SRPK1: variants seen among roughly 807,000 people sequenced by gnomAD.
SRPK1 encodes the protein SRSF protein kinase 1.
Under a neutral mutation model 89.5 loss-of-function variants are expected in SRPK1, and 52 were observed. The ratio of observed to expected loss-of-function variants is 0.58; its 90% confidence interval spans 0.46 to 0.73. The LOEUF (loss-of-function observed/expected upper bound fraction) is 0.73, where lower values mean the gene tolerates loss of function less well. Ranked by LOEUF, SRPK1 falls within the 30% of genes least tolerant of loss-of-function variation. The pLI is 0.00. For synonymous variants in SRPK1, 255 were observed against 270.2 expected (o/e 0.94, Z 0.55); for missense variants, 603 against 780.6 (o/e 0.77, Z 2.71).
intron 15 of SRPK1, among the ~76,000 whole-genome samples, chr6:35,835,895 C>G (rs1449790300): frequency 6.6e-6 from 1 of 151,852 alleles, no homozygotes; most frequent in East Asian, 1.9e-4. Flanking sequence ...TGTATGTGCT[C>G]AATAGTTTAG....
intron 12 of SRPK1, among the ~76,000 whole-genome samples, chr6:35,868,594 A>C (rs925746424): frequency 1.3e-5 from 2 of 152,248 alleles, no homozygotes; most frequent in Admixed American, 1.3e-4. Context: ...GACAAAGCAA[A>C]GTGTCCAAAA....
At chr6:35,890,822 T>C (rs780485317) in intron 3 of SRPK1, 73 bp downstream of exon 3, 212 of 1,351,268 alleles carry the variant, frequency 1.6e-4, no homozygotes, top group Middle Eastern at 5.2e-4. Context: ...TTTATGCTGA[T>C]AGATCAAACA....
chr6:35,899,227 A>AT (rs1293118318), intron 2 of SRPK1, among the ~76,000 whole-genome samples: 1 of 151,940 alleles, frequency 6.6e-6, no homozygotes, highest in Non-Finnish European at 1.5e-5. Context: ...CTCCAAACAG[A>AT]TTTTTTTCCA....
At chr6:35,914,523 G>T (rs1221291560) in intron 2 of SRPK1, among the ~76,000 whole-genome samples, 1 of 152,080 alleles carries the variant, frequency 6.6e-6, no homozygotes, top group Non-Finnish European at 1.5e-5. Context: ...TTTTCAGTGT[G>T]GCCTCCATCA....
At chr6:35,855,259 G>A (rs548181804) in intron 13 of SRPK1, among the ~76,000 whole-genome samples, 51 of 151,916 alleles carry the variant, frequency 3.4e-4, no homozygotes, top group Middle Eastern at 3.4e-3. Context: ...CCAAGATTGC[G>A]CCACTGTACT....
chr6:35,846,672 C>A (rs1769433393), intron 13 of SRPK1, among the ~76,000 whole-genome samples: 1 of 151,556 alleles, frequency 6.6e-6, no homozygotes, highest in Non-Finnish European at 1.5e-5. Context: ...CATATGGCAA[C>A]AGATTGGATA....
At chr6:35,884,265 C>G (rs2127255026) in intron 6 of SRPK1, among the ~76,000 whole-genome samples, 1 of 152,154 alleles carries the variant, frequency 6.6e-6, no homozygotes, top group East Asian at 1.9e-4. Flanking sequence ...TATAGAGAAA[C>G]CAACTGTCCT....
chr6:35,838,332 T>C lies in SRPK1; in HGVS notation c.1783+5A>G. 5 of 1,559,448 alleles carry C rather than the reference T, an allele frequency of 3.2e-6. No homozygotes were observed. The highest frequency in any genetic ancestry group is 4.3e-6 in the Non-Finnish European group (5 of 1,160,730). ...CCTTAATGTCTGGGAACACATTTAC[T>C]TTACCTTTTTTGGTGAAAAATTCCT... On this transcript the variant is annotated splice_donor_5th_base_variant and intron_variant, in intron 15 of 15. Coordinates refer to ENST00000373825, the MANE Select transcript of SRPK1 (RefSeq NM_003137.5).
At chr6:35,901,825 C>T (rs1770746657) in intron 2 of SRPK1, among the ~76,000 whole-genome samples, 1 of 152,162 alleles carries the variant, frequency 6.6e-6, no homozygotes, top group Admixed American at 6.6e-5. Context: ...TAATCCTTTA[C>T]ATATCTAATT....
At chr6:35,854,919 A>T (rs1769635566) in intron 13 of SRPK1, among the ~76,000 whole-genome samples, 1 of 152,200 alleles carries the variant, frequency 6.6e-6, no homozygotes, top group Non-Finnish European at 1.5e-5. Context: ...AAGTGTGGCA[A>T]GAAAGAAGCC....
intron 12 of SRPK1, among the ~76,000 whole-genome samples, chr6:35,862,051 G>A (rs1769793543): frequency 6.6e-6 from 1 of 152,014 alleles, no homozygotes; most frequent in African/African-American, 2.4e-5. Flanking sequence ...CTAGGGACTA[G>A]CCCCCTCCGA....
At chr6:35,881,440 TATAG>T (rs1025618177) in intron 6 of SRPK1, among the ~76,000 whole-genome samples, 7 of 78,252 alleles carry the variant, frequency 8.9e-5, no homozygotes, top group Admixed American at 8.6e-4. Flanking sequence ...TAGATATAGA[TATAG>T]ATATAGATAT....
rs951032905 is a variant in SRPK1 at position 35,853,487 on chromosome 6, A to G, written c.1620+3774T>C. 2.6e-5 allele frequency among the ~76,000 whole-genome samples: 4 copies of G among 152,164 alleles called. No homozygotes were observed. The South Asian group carries it at 8.3e-4, about 31-fold the overall frequency. On this transcript the variant is annotated intron_variant, in intron 13 of 15. Coordinates refer to ENST00000373825, the MANE Select transcript of SRPK1 (RefSeq NM_003137.5). ...TTTTGGTATCTGCAGGGGGTCTTAG[A>G]ACCAATCCCCTGAGGACATTAAGGG...
At chr6:35,849,289 A>G (rs1340680931) in intron 13 of SRPK1, among the ~76,000 whole-genome samples, 7 of 152,334 alleles carry the variant, frequency 4.6e-5, no homozygotes, top group East Asian at 1.9e-4. Flanking sequence ...CCAAAATGAG[A>G]TATCATTTCA....
Position 35,872,740 on chromosome 6 carries a change from T to C in SRPK1, c.586-12A>G. On this transcript the variant is annotated splice_polypyrimidine_tract_variant and intron_variant, in intron 7 of 15. Transcript: ENST00000373825. ...AGACCCTGTAACACCTGAATGGAAA[T>C]AGAGTGGCAGACTTGCAAACACAAA... is the stretch of plus-strand genomic sequence containing the variant. The C allele has an allele frequency of 3.8e-6, 6 of 1,584,744 alleles. No individual in the cohort carries two copies. The highest frequency in any genetic ancestry group is 1.2e-5 in the South Asian group (1 of 83,714).
At chr6:35,909,503 A>C (rs988214531) in intron 2 of SRPK1, among the ~76,000 whole-genome samples, 6 of 152,192 alleles carry the variant, frequency 3.9e-5, no homozygotes, top group Non-Finnish European at 8.8e-5. Flanking sequence ...TCTTGAGTTA[A>C]TACTGGAATG....
At chr6:35,920,221 C>G in intron 2 of SRPK1, 1 of 598,686 alleles carries the variant, frequency 1.7e-6, no homozygotes, top group Non-Finnish European at 3.2e-6. Flanking sequence ...AGGTACCGGG[C>G]GGGCTCTGGT....
intron 6 of SRPK1, among the ~76,000 whole-genome samples, chr6:35,876,942 G>C (rs558568801): frequency 1.3e-5 from 2 of 152,280 alleles, no homozygotes; most frequent in Admixed American, 6.5e-5. Context: ...CACTGAAAAA[G>C]GTACCAGAGA....
rs375747918 is a variant in SRPK1, at chr6:35,872,692, G to T, written c.622C>A (p.Arg208Ser). The change falls in exon 8 of 16, where the codon CGT becomes AGT. Residue 208 changes from arginine to serine, a missense_variant. Transcript: ENST00000373825. ...QGLDYLHTKCRIIHTDIKPEN... is the reference protein window; with the variant it reads ...QGLDYLHTKCSIIHTDIKPEN... ...GGTTTAATGTCAGTGTGGATGATACGGCACTTGGTATGTAAATAATCAAGA... is the reference window on the plus strand; with the variant it reads ...GGTTTAATGTCAGTGTGGATGATACTGCACTTGGTATGTAAATAATCAAGA... 255 of 1,608,904 alleles carry T rather than the reference G, an allele frequency of 1.6e-4. No individual in the cohort carries two copies. The highest frequency in any genetic ancestry group is 2.1e-4 in the Non-Finnish European group (242 of 1,177,860).
Sources: allele counts gnomAD v4.1 joint callset (sites outside exome capture counted in the v4.1 genomes callset), GRCh38; gene constraint gnomAD v4.1.1; transcripts MANE v1.5; gene names NCBI Gene and HGNC (gene_info 2026-07-23, HGNC 2026-07-21).